Variants in YWHAE observed in about 807,000 individuals in gnomAD.
The protein encoded by YWHAE is tyrosine 3-monooxygenase/tryptophan 5-monooxygenase activation protein epsilon.
Under a neutral mutation model 30.1 loss-of-function variants are expected in YWHAE, and 4 were observed. The observed-to-expected ratio is 0.13, with a 90% CI of 0.07 to 0.30. The LOEUF is 0.30. Among genes scored for constraint, YWHAE ranks in the 10% least tolerant of loss-of-function variants. YWHAE has a pLI of 1.00. For synonymous variants in YWHAE, 118 were observed against 111.8 expected, an observed-to-expected ratio of 1.06 and a Z score of -0.35; for missense variants, 121 against 315.9, an observed-to-expected ratio of 0.38 and a Z score of 4.68.
chr17:1,364,086 CTT>C (rs1210463760), intron 2 of YWHAE, among the ~76,000 whole-genome samples: 2 of 151,980 alleles, frequency 1.3e-5, no homozygotes, highest in East Asian at 3.9e-4. Context: ...GGCTGTCCAA[CTT>C]TTTTTTAACA....
chr17:1,352,392 GC>G (rs1367530444), intron 5 of YWHAE: 4 of 152,082 alleles, frequency 2.6e-5, no homozygotes, highest in Admixed American at 2.6e-4. Context: ...ACACATACGT[GC>G]CCACTTTCAG....
chr17:1,352,939 T>G (rs1246021180), intron 5 of YWHAE, among the ~76,000 whole-genome samples: 1 of 152,186 alleles, frequency 6.6e-6, no homozygotes, highest in Non-Finnish European at 1.5e-5. Flanking sequence ...AATACTCCTA[T>G]CACACTAATT....
intron 2 of YWHAE, among the ~76,000 whole-genome samples, chr17:1,362,587 C>G (rs1241122432): frequency 6.6e-6 from 1 of 152,016 alleles, no homozygotes; most frequent in East Asian, 1.9e-4. Context: ...AACCTATCTA[C>G]CAAAGTAGCT....
chr17:1,371,072 G>GT (rs1393974251), intron 1 of YWHAE, among the ~76,000 whole-genome samples: 3 of 151,918 alleles, frequency 2.0e-5, no homozygotes, highest in African/African-American at 7.3e-5. Flanking sequence ...CAAGTACTGT[G>GT]TGTGAGTGTG....
At chr17:1,373,383 G>A (rs1329098896) in intron 1 of YWHAE, among the ~76,000 whole-genome samples, 1 of 151,780 alleles carries the variant, frequency 6.6e-6, no homozygotes, top group African/African-American at 2.4e-5. Context: ...AAAAGTTTGA[G>A]GCCGGGCGAG....
chr17:1,379,735 G>A lies in YWHAE; in HGVS notation c.65-14677C>T, dbSNP rs544194535. On this transcript the variant is annotated intron_variant, in intron 1 of 5. Transcript: ENST00000264335. Reference sequence around the variant, plus strand: ...CCTGGAGCGTGTTACGATGAGTTATGAAGGAAGGAGTACTTGAGGTAAACA... The same window carrying A: ...CCTGGAGCGTGTTACGATGAGTTATAAAGGAAGGAGTACTTGAGGTAAACA... Among the ~76,000 whole-genome samples, 4 of 152,296 alleles carry A rather than the reference G, an allele frequency of 2.6e-5. No individual in the cohort carries two copies. In the East Asian group the frequency reaches 7.7e-4, roughly 29 times the overall value.
At chr17:1,393,135 A>T (rs967107791) in intron 1 of YWHAE, among the ~76,000 whole-genome samples, 1 of 144,258 alleles carries the variant, frequency 6.9e-6, no homozygotes, top group Non-Finnish European at 1.5e-5. Context: ...ATCTCTCCAA[A>T]AAATAAATAA....
chr17:1,354,347 C>G lies in YWHAE; in HGVS notation c.579G>C (p.Arg193Ser). Reference protein sequence around the residue: ...EILNSPDRACRLAKAAFDDAI... With the variant: ...EILNSPDRACSLAKAAFDDAI... ...CATCATCAAAAGCTGCTTTTGCCAA[C>G]CTAAAGGTATTTCAATAGAAGTGTT... is the stretch of plus-strand genomic sequence containing the variant. Residue 193 changes from arginine to serine, a missense_variant and splice_region_variant, in exon 5 of 6, where the codon AGG (arginine) becomes AGC (serine). This residue lies in a region of YWHAE where 99 missense variants were observed against 289.3 expected (regional missense o/e 0.34). Transcript: ENST00000264335. The G allele has an allele frequency of 6.2e-7, 1 of 1,612,216 alleles. No individual in the cohort carries two copies. The highest frequency in any genetic ancestry group is 8.5e-7 in the Non-Finnish European group (1 of 1,179,502).
At chr17:1,385,285 T>C (rs969903408) in intron 1 of YWHAE, among the ~76,000 whole-genome samples, 2 of 152,172 alleles carry the variant, frequency 1.3e-5, no homozygotes, top group African/African-American at 4.8e-5. Flanking sequence ...TGTGCAGTTA[T>C]TCATTGTTGA....
chr17:1,367,668 G>A (rs2150856120), intron 1 of YWHAE, among the ~76,000 whole-genome samples: 1 of 152,250 alleles, frequency 6.6e-6, no homozygotes, highest in Middle Eastern at 3.4e-3. Flanking sequence ...AAGAGAAGAG[G>A]AGACGGGAGG....
intron 5 of YWHAE, chr17:1,352,305 A>C (rs2072647733): frequency 6.6e-6 from 1 of 152,180 alleles, no homozygotes; most frequent in Admixed American, 6.5e-5. Context: ...TAAATGTTAA[A>C]AGCTGAGTCA....
intron 1 of YWHAE, among the ~76,000 whole-genome samples, chr17:1,368,347 G>A (rs1248909301): frequency 6.6e-6 from 1 of 151,694 alleles, no homozygotes; most frequent in Non-Finnish European, 1.5e-5. Context: ...CTGTACTCCA[G>A]TCTGGGCAAC....
chr17:1,380,696 G>A (rs1267373023), intron 1 of YWHAE, among the ~76,000 whole-genome samples: 4 of 152,274 alleles, frequency 2.6e-5, no homozygotes, highest in Non-Finnish European at 2.9e-5. Context: ...AGAACACAGC[G>A]TTTAGAATCT....
At chr17:1,393,015 G>A (rs1410395065) in intron 1 of YWHAE, among the ~76,000 whole-genome samples, 1 of 151,860 alleles carries the variant, frequency 6.6e-6, no homozygotes, top group Non-Finnish European at 1.5e-5. Context: ...ACCAGCCTGG[G>A]CAACATGGTG....
chr17:1,396,530 G>A (rs2073474664), intron 1 of YWHAE, among the ~76,000 whole-genome samples: 1 of 152,168 alleles, frequency 6.6e-6, no homozygotes, highest in Non-Finnish European at 1.5e-5. Flanking sequence ...AGCCAATCTT[G>A]ATAGGGAAGA....
chr17:1,345,195 T>A lies in YWHAE; in HGVS notation c.*252A>T. The A allele has an allele frequency of 1.8e-6, 1 of 545,530 alleles. No individual in the cohort carries two copies. Among genetic ancestry groups the A allele is most frequent in the East Asian group, 3.0e-5 (1 of 33,346 alleles). The allele number at this position is 545,530 out of a possible 1,614,324, so 33.8% of individuals were successfully genotyped here. A position where few individuals can be genotyped will look rare whatever the true frequency, so the allele number is the denominator to read the frequency against. ...CACAGTAATGCTGAAAAAGCCTCTATGTAGTCCTGTTAGTGTCTTAAAGAA... is the reference window on the plus strand; with the variant it reads ...CACAGTAATGCTGAAAAAGCCTCTAAGTAGTCCTGTTAGTGTCTTAAAGAA... On this transcript the variant is annotated 3_prime_UTR_variant, in exon 6 of 6. Transcript: ENST00000264335.
intron 2 of YWHAE, among the ~76,000 whole-genome samples, chr17:1,363,085 A>T (rs561807189): frequency 6.6e-6 from 1 of 152,266 alleles, no homozygotes; most frequent in Admixed American, 6.6e-5. Context: ...TCCATTCAAC[A>T]GAGTTCTTTG....
chr17:1,380,911 C>G (rs1377571531), intron 1 of YWHAE, among the ~76,000 whole-genome samples: 1 of 152,200 alleles, frequency 6.6e-6, no homozygotes, highest in Admixed American at 6.6e-5. Context: ...CACACAATCC[C>G]TTGTTCCCCT....
At chr17:1,374,807 C>T (rs1003541908) in intron 1 of YWHAE, among the ~76,000 whole-genome samples, 1 of 152,134 alleles carries the variant, frequency 6.6e-6, no homozygotes, top group Non-Finnish European at 1.5e-5. Flanking sequence ...AGGAGTTGTT[C>T]ATTTTTAAAA....
Sources: gnomAD v4.1 joint callset for allele counts (sites outside exome capture counted in the v4.1 genomes callset) on GRCh38, gnomAD v4.1.1 for gene constraint, gnomAD v4.1.1 regional missense constraint, MANE v1.5 for transcripts, NCBI Gene and HGNC (gene_info 2026-07-23, HGNC 2026-07-21) for gene names.